The following BRI3BP variants were observed in gnomAD, a reference collection of about 807,000 sequenced individuals.
BRI3BP encodes BRI3 binding protein.
BRI3BP carries 7 observed loss-of-function variants against 15.8 expected under a neutral mutation model. The observed-to-expected ratio is 0.44, with a 90% CI of 0.25 to 0.83. The LOEUF (loss-of-function observed/expected upper bound fraction) is 0.83, where lower values mean the gene tolerates loss of function less well. Ranked by LOEUF, BRI3BP falls within the 40% of genes least tolerant of loss-of-function variation. BRI3BP has a pLI of 0.20. For synonymous variants in BRI3BP, 192 were observed against 163.5 expected (o/e 1.17, Z -1.33); for missense variants, 320 against 339.3 (o/e 0.94, Z 0.45).
At position 125,030,757 on chromosome 12, in the gene BRI3BP, G is replaced by A. The variant is rs1428248928; in HGVS notation, c.*5327G>A. On this transcript the variant is annotated 3_prime_UTR_variant, in exon 3 of 3. Coordinates refer to ENST00000341446, the MANE Select transcript of BRI3BP (RefSeq NM_080626.6). ...AACTGATTAACTTGTGATGGTGATGGTGATTAGCACACACTAAAAACCCAA... is the reference window on the plus strand; with the variant it reads ...AACTGATTAACTTGTGATGGTGATGATGATTAGCACACACTAAAAACCCAA... 2.6e-5 allele frequency: 4 copies of A among 152,278 alleles called. No individual in the cohort carries two copies. The East Asian group carries it at 7.7e-4, about 29-fold the overall frequency. 9.4% of individuals were successfully genotyped at this position (152,278 alleles called of 1,614,324 possible). A position where few individuals can be genotyped will look rare whatever the true frequency, so the allele number is the denominator to read the frequency against.
the BRI3BP span, among the ~76,000 whole-genome samples, chr12:125,046,556 C>T: frequency 2.0e-5 from 3 of 151,778 alleles, no homozygotes; most frequent in Admixed American, 6.6e-5. Context: ...CAGAGTGAGA[C>T]TCCGTCTTGG....
chr12:125,047,452 C>T, the BRI3BP span, among the ~76,000 whole-genome samples: 77 of 152,080 alleles, frequency 5.1e-4, no homozygotes, highest in African/African-American at 1.7e-3. Context: ...GGATTACAGG[C>T]GTGAGCCACC....
At chr12:125,002,981 C>T (rs371764335) in intron 1 of BRI3BP, among the ~76,000 whole-genome samples, 3 of 152,182 alleles carry the variant, frequency 2.0e-5, no homozygotes, top group African/African-American at 7.2e-5. Context: ...AGGCCCACTG[C>T]GCTGGGGGTG....
intron 1 of BRI3BP, among the ~76,000 whole-genome samples, chr12:125,000,606 C>A (rs959229158): frequency 6.6e-6 from 1 of 152,110 alleles, no homozygotes. Flanking sequence ...GCCACCACGC[C>A]CAGCCTGTTT....
At chr12:125,049,620 T>C in the BRI3BP span, among the ~76,000 whole-genome samples, 1 of 151,992 alleles carries the variant, frequency 6.6e-6, no homozygotes, top group Non-Finnish European at 1.5e-5. Context: ...GGTCGAAGGG[T>C]GACTCCGCCC....
intron 2 of BRI3BP, among the ~76,000 whole-genome samples, chr12:125,024,265 C>G (rs533309249): frequency 1.4e-5 from 2 of 140,260 alleles, no homozygotes; most frequent in South Asian, 2.6e-4. Flanking sequence ...GAAACCCCCC[C>G]CCCTCCACTG....
intron 1 of BRI3BP, among the ~76,000 whole-genome samples, chr12:124,997,192 C>T (rs1423040178): frequency 2.2e-5 from 2 of 92,194 alleles, no homozygotes; most frequent in African/African-American, 4.7e-5. Context: ...CTTTACTTCT[C>T]TTTTTTTTTT....
intron 1 of BRI3BP, among the ~76,000 whole-genome samples, chr12:125,001,714 C>T (rs12424949): frequency 0.062 from 9,149 of 148,004 alleles, 408 homozygotes; most frequent in Admixed American, 0.15. Context: ...TTCTGAAGAT[C>T]ACAGACTAAA....
At chr12:125,009,396 TCTC>T (rs892260253) in intron 1 of BRI3BP, among the ~76,000 whole-genome samples, 9 of 149,456 alleles carry the variant, frequency 6.0e-5, no homozygotes, top group African/African-American at 2.2e-4. Flanking sequence ...TTCAAGCAAT[TCTC>T]CTGCCTCAGC....
chr12:125,043,069 T>TA, the BRI3BP span, among the ~76,000 whole-genome samples: 24,934 of 148,364 alleles, frequency 0.17, 2,079 homozygotes, highest in Middle Eastern at 0.29. Context: ...CTTGATGGGT[T>TA]AAAAAAAAAA....
chr12:125,001,488 T>TACA (rs1490812534), intron 1 of BRI3BP, among the ~76,000 whole-genome samples: 1 of 152,116 alleles, frequency 6.6e-6, no homozygotes, highest in Admixed American at 6.6e-5. Context: ...ACCTCCTGAG[T>TACA]AGCTGGGCTT....
chr12:125,022,518 A>ATTATTTATTTATTTAT (rs573464976), intron 2 of BRI3BP, among the ~76,000 whole-genome samples: 18 of 144,424 alleles, frequency 1.2e-4, no homozygotes, highest in African/African-American at 4.6e-4. Context: ...TTGTTAATTT[A>ATTATTTATTTATTTAT]TTATTTATTT....
chr12:125,021,615 A>C (rs1955299471), intron 2 of BRI3BP, among the ~76,000 whole-genome samples: 1 of 152,194 alleles, frequency 6.6e-6, no homozygotes, highest in Non-Finnish European at 1.5e-5. Context: ...TAATTGACTC[A>C]CAGTTCCACA....
the BRI3BP span, among the ~76,000 whole-genome samples, chr12:125,047,210 G>T: frequency 6.6e-6 from 1 of 151,176 alleles, no homozygotes; most frequent in Non-Finnish European, 1.5e-5. Flanking sequence ...CTGCAGTGGC[G>T]CGATCTCGGC....
chr12:125,016,656 G>A (rs1276017765), intron 2 of BRI3BP, among the ~76,000 whole-genome samples: 1 of 151,602 alleles, frequency 6.6e-6, no homozygotes, highest in Non-Finnish European at 1.5e-5. Flanking sequence ...CTGCCAAGTA[G>A]CTGGGATTAC....
intron 2 of BRI3BP, among the ~76,000 whole-genome samples, chr12:125,018,189 A>G (rs56287425): frequency 0.23 from 34,711 of 152,100 alleles, 4,184 homozygotes; most frequent in South Asian, 0.4. Flanking sequence ...GGACTTGACA[A>G]GTGTGCAGGT....
the BRI3BP span, among the ~76,000 whole-genome samples, chr12:125,045,618 C>T: frequency 2.6e-5 from 4 of 152,212 alleles, no homozygotes; most frequent in Non-Finnish European, 4.4e-5. Flanking sequence ...AGGCGTGAAC[C>T]GCCCCGCCTG....
At chr12:125,033,887 C>T (rs192048466), downstream of BRI3BP, among the ~76,000 whole-genome samples, 107 of 152,138 alleles carry the variant, frequency 7.0e-4, no homozygotes, top group Admixed American at 3.7e-3. Flanking sequence ...AGATTACAGG[C>T]GCACACCACC....
At chr12:125,050,711 G>C in the BRI3BP span, among the ~76,000 whole-genome samples, 2 of 152,234 alleles carry the variant, frequency 1.3e-5, no homozygotes, top group Non-Finnish European at 2.9e-5. Context: ...AAAGTGCAAT[G>C]GGGTGATGGA....
Sources: allele counts gnomAD v4.1 joint callset (sites outside exome capture counted in the v4.1 genomes callset), GRCh38; gene constraint gnomAD v4.1.1; transcripts MANE v1.5; gene names NCBI Gene and HGNC (gene_info 2026-07-23, HGNC 2026-07-21).